Variants in CEP350 observed in about 807,000 individuals in gnomAD.
CEP350 encodes the protein centrosome-associated protein 350.
In CEP350, 126 loss-of-function variants were observed where a neutral mutation model predicts 331.8. The ratio of observed to expected loss-of-function variants is 0.38; its 90% confidence interval spans 0.33 to 0.44. CEP350 has a LOEUF of 0.44. Among genes scored for constraint, CEP350 ranks in the 20% least tolerant of loss-of-function variants. The pLI is 1.00. For missense variants in CEP350, 3,406 were observed against 3,634.6 expected (o/e 0.94, Z 1.62); for synonymous variants, 1,200 against 1,259.5 (o/e 0.95, Z 1.00).
At chr1:179,970,058 C>G (rs980228028) in intron 1 of CEP350, among the ~76,000 whole-genome samples, 1 of 152,068 alleles carries the variant, frequency 6.6e-6, no homozygotes, top group Non-Finnish European at 1.5e-5. Context: ...TAGGGCTCCC[C>G]CCTTCTTTTG....
chr1:180,088,421 CAA>C (rs10556094), intron 32 of CEP350, among the ~76,000 whole-genome samples: 120,586 of 142,616 alleles, frequency 0.85, 50,780 homozygotes, highest in South Asian at 0.93. Context: ...TGACTAAAAG[CAA>C]AAAAAAAAAA....
chr1:180,097,436 A>T (rs376183765), intron 36 of CEP350, among the ~76,000 whole-genome samples: 1 of 152,180 alleles, frequency 6.6e-6, no homozygotes, highest in South Asian at 2.1e-4. Flanking sequence ...CTTGAATGCT[A>T]TGTGTGTCTG....
At chr1:180,084,216 A>G (rs746980389) in intron 31 of CEP350, 38 bp downstream of exon 31, 1 of 1,524,160 alleles carries the variant, frequency 6.6e-7, no homozygotes, top group African/African-American at 1.4e-5. Context: ...TATCAAGGCT[A>G]ATGTGTATGT....
In CEP350 at chr1:180,020,352, G is replaced by A. The variant is rs1655241039; in HGVS notation, c.2578G>A (p.Glu860Lys). The change falls in exon 12 of 38, where the codon GAG becomes AAG. Residue 860 changes from glutamate (E) to lysine (K), a missense_variant. This residue lies in a region of CEP350 where 1,857 missense variants were observed against 1,909.2 expected (regional missense o/e 0.97). Transcript: ENST00000367607. ...SINYGSAWNT[E>K]YDVQQAPQED... The stretch of plus-strand genomic sequence containing the variant: ...TAACTATGGGTCAGCATGGAACACT[G>A]AGTATGATGTGCAGCAGGCACCTCA... 1 of 1,613,820 alleles carries A rather than the reference G, an allele frequency of 6.2e-7. No homozygotes were observed. Among genetic ancestry groups the A allele is most frequent in the Non-Finnish European group, 8.5e-7 (1 of 1,179,904 alleles).
intron 27 of CEP350, among the ~76,000 whole-genome samples, chr1:180,074,676 CATCTTCTGTTATGGAAAAGA>C (rs71776144): frequency 0.083 from 12,651 of 152,148 alleles, 699 homozygotes; most frequent in Non-Finnish European, 0.12. Context: ...ACATTCCTTA[CATCTTCTGTTATGGAAAAGA>C]ATAACCTACA....
chr1:180,057,320 C>T (rs1301051526), intron 25 of CEP350, among the ~76,000 whole-genome samples: 48 of 151,802 alleles, frequency 3.2e-4, no homozygotes, highest in Non-Finnish European at 4.6e-4. Context: ...AGGCTGGTCT[C>T]GAGCCCCTGA....
rs1021666102 is a variant in CEP350, at chr1:180,095,819, A to G, written c.8808A>G (p.Lys2936=). 1.9e-6 allele frequency: 3 copies of G among 1,613,892 alleles called. No homozygotes were observed. The highest frequency in any genetic ancestry group is 2.5e-6 in the Non-Finnish European group (3 of 1,179,888). The change falls in exon 35 of 38, where the codon AAA becomes AAG. Residue 2936 remains lysine (K), a synonymous_variant. Transcript: ENST00000367607. ...LVHNAAEELW[K]WKELGHDLHS... is the part of the protein sequence containing the mutation. ...ATAATGCAGCAGAAGAACTTTGGAA[A>G]TGGAAAGAATTAGGCCACGATCTTC...
intron 25 of CEP350, among the ~76,000 whole-genome samples, chr1:180,056,558 C>T (rs1288077661): frequency 1.4e-5 from 2 of 147,036 alleles, no homozygotes; most frequent in Non-Finnish European, 3.0e-5. Context: ...CAACCTCTGC[C>T]TCTAGGGCTC....
rs1651880360 is a variant in CEP350 at position 179,976,526 on chromosome 1, A to T, written c.-13-9643A>T. Among the ~76,000 whole-genome samples, 5 of 151,936 alleles carry T rather than the reference A, an allele frequency of 3.3e-5. No individual in the cohort carries two copies. In the South Asian group the frequency reaches 8.3e-4, roughly 25 times the overall value. Reference sequence around the variant, plus strand: ...AGTATGCTACAAAAAATGTGTTAAGAAATATATGTCCCAGCTACTTGGGAG... The same window carrying T: ...AGTATGCTACAAAAAATGTGTTAAGTAATATATGTCCCAGCTACTTGGGAG... On this transcript the variant is annotated intron_variant, in intron 1 of 37. Transcript: ENST00000367607.
intron 6 of CEP350, among the ~76,000 whole-genome samples, chr1:180,001,216 A>G (rs1253425762): frequency 6.6e-6 from 1 of 152,110 alleles, no homozygotes; most frequent in Non-Finnish European, 1.5e-5. Flanking sequence ...GTTGTTTTTG[A>G]CAAAACAAAG....
At chr1:180,005,559 CTCT>C (rs1441673484) in intron 7 of CEP350, among the ~76,000 whole-genome samples, 1 of 152,118 alleles carries the variant, frequency 6.6e-6, no homozygotes, top group Non-Finnish European at 1.5e-5. Flanking sequence ...CCTCTATCTG[CTCT>C]TCTTCTAATG....
Position 180,014,388 on chromosome 1 carries a change from T to C in CEP350, c.1935T>C (p.Asn645=). 5 of 1,598,918 alleles carry C rather than the reference T, an allele frequency of 3.1e-6. No individual in the cohort carries two copies. Among genetic ancestry groups the C allele is most frequent in the East Asian group, 2.2e-5 (1 of 44,562 alleles). The change falls in exon 10 of 38, where the codon AAT becomes AAC. Residue 645 remains asparagine (N), a synonymous_variant. Coordinates refer to ENST00000367607, the MANE Select transcript of CEP350 (RefSeq NM_014810.5). ...KQKEAFTKVK[N]VPPSEPSATR... The stretch of plus-strand genomic sequence containing the variant: ...AGGAAGCCTTTACTAAAGTAAAAAA[T>C]GTCCCTCCTTCTGAGCCATCAGCAA...
At chr1:179,998,784 G>T (rs1378229939) in intron 6 of CEP350, among the ~76,000 whole-genome samples, 1 of 151,764 alleles carries the variant, frequency 6.6e-6, no homozygotes, top group African/African-American at 2.4e-5. Context: ...TACAGTTTTC[G>T]CCAATTATTA....
intron 5 of CEP350, 80 bp downstream of exon 5, chr1:179,992,301 G>GT (rs1653156470): frequency 8.6e-7 from 1 of 1,160,594 alleles, no homozygotes; most frequent in South Asian, 2.3e-5. Flanking sequence ...TGTTTTCTGA[G>GT]TTTTTTATAG....
chr1:179,969,110 G>A, intron 1 of CEP350: 1 of 671,264 alleles, frequency 1.5e-6, no homozygotes, highest in Admixed American at 1.8e-5. Context: ...TGTGGACATT[G>A]CCATCCCGTG....
chr1:179,954,848 G>A lies in CEP350; in HGVS notation c.-308G>A. 1 of 430,566 alleles carries A rather than the reference G, an allele frequency of 2.3e-6. No individual in the cohort carries two copies. The highest frequency in any genetic ancestry group is 4.1e-6 in the Non-Finnish European group (1 of 246,096). 26.7% of individuals were successfully genotyped at this position (430,566 alleles called of 1,614,324 possible). On this transcript the variant is annotated 5_prime_UTR_variant, in exon 1 of 38. Coordinates refer to ENST00000367607, the MANE Select transcript of CEP350 (RefSeq NM_014810.5). ...TAATGGCGACTGGGCCGCCCCTGAC[G>A]AAGTGACTCCCGGGCCGGGGAGCGG... is the stretch of plus-strand genomic sequence containing the variant.
intron 37 of CEP350, among the ~76,000 whole-genome samples, chr1:180,110,513 G>C (rs1286373257): frequency 1.3e-5 from 2 of 152,204 alleles, no homozygotes; most frequent in South Asian, 4.1e-4. Flanking sequence ...GCATGTTTCA[G>C]ATGGACTAGG....
rs1660373973 is a variant in CEP350, at chr1:180,094,592, C to T, written c.8487C>T (p.Ser2829=). 1 of 1,613,670 alleles carries T rather than the reference C, an allele frequency of 6.2e-7. No individual in the cohort carries two copies. The highest frequency in any genetic ancestry group is 8.5e-7 in the Non-Finnish European group (1 of 1,179,780). ...SELEDEKEEI[S]SPDMCPRPES... is the part of the protein sequence containing the mutation. The stretch of plus-strand genomic sequence containing the variant: ...TGGAAGATGAAAAAGAAGAGATTTC[C>T]TCTCCAGATATGTGTCCCAGACCGG... The change falls in exon 34 of 38, where the codon TCC becomes TCT. Residue 2829 remains serine (S), a synonymous_variant. Transcript: ENST00000367607.
Position 180,020,590 on chromosome 1 carries a change from C to G in CEP350, c.2816C>G (p.Ser939Cys). 6.2e-7 allele frequency: 1 copy of G among 1,613,964 alleles called. No individual in the cohort carries two copies. The highest frequency in any genetic ancestry group is 8.5e-7 in the Non-Finnish European group (1 of 1,179,880). ...GCCATATCAAGCTTTAGAGTGAGAT[C>G]CCCTGGTCCCAAACCAGAAGGGCTA... The part of the protein sequence containing the change: ...QSAISSFRVR[S>C]PGPKPEGLLA... Residue 939 changes from serine (S) to cysteine (C), a missense_variant, in exon 12 of 38, where the codon TCC (serine) becomes TGC (cysteine). Physicochemically the swap from Ser to Cys is moderately radical, Grantham distance 112. Around this residue, in one of 5 missense-constraint regions of CEP350, gnomAD observed 1,857 missense variants for 1,909.2 expected, o/e 0.97. Coordinates refer to ENST00000367607, the MANE Select transcript of CEP350 (RefSeq NM_014810.5).
Sources: allele counts gnomAD v4.1 joint callset (sites outside exome capture counted in the v4.1 genomes callset), GRCh38; gene constraint gnomAD v4.1.1; regional missense constraint gnomAD v4.1.1; transcripts MANE v1.5; gene names NCBI Gene and HGNC (gene_info 2026-07-23, HGNC 2026-07-21).